The following LAMC3 variants were observed in gnomAD, a reference collection of about 807,000 sequenced individuals.
The protein encoded by LAMC3 is laminin subunit gamma 3, also known as laminin subunit gamma-3.
Under a neutral mutation model 173.8 loss-of-function variants are expected in LAMC3, and 128 were observed. The observed-to-expected ratio is 0.74, with a 90% CI of 0.64 to 0.85. The LOEUF is 0.85. Ranked by LOEUF, LAMC3 falls within the 40% of genes least tolerant of loss-of-function variation. The probability of loss-of-function intolerance (pLI) is 0.00; values close to 1 mark genes in which losing one functional copy is unlikely to be tolerated. For synonymous variants in LAMC3, 897 were observed against 909.1 expected, an observed-to-expected ratio of 0.99 and a Z score of 0.24; for missense variants, 2,022 against 2,156.0, an observed-to-expected ratio of 0.94 and a Z score of 1.23.
rs1261237688 is a variant in LAMC3, at chr9:131,009,285, C to T, written c.71C>T (p.Ala24Val). The change falls in exon 1 of 28, where the codon GCG becomes GTG. Residue 24 changes from alanine to valine, a missense_variant. Coordinates refer to ENST00000361069, the MANE Select transcript of LAMC3 (RefSeq NM_006059.4). The surrounding 1 kb of genome is among the most constrained non-coding windows in gnomAD (Gnocchi z 4.3). ...CGGGCGGCCGGCGCGGGCATGGGCG[C>T]GTGCTATGACGGCGCAGGGCGCCCG... ...APRAAGAGMG[A>V]CYDGAGRPQR... 1.7e-5 allele frequency: 24 copies of T among 1,395,086 alleles called. No homozygotes were observed. Among genetic ancestry groups the T allele is most frequent in the Admixed American group, 3.3e-5 (1 of 30,620 alleles). The allele number at this position is 1,395,086 out of a possible 1,614,324, so 86.4% of individuals were successfully genotyped here. A position where few individuals can be genotyped will look rare whatever the true frequency, so the allele number is the denominator to read the frequency against.
chr9:131,015,718 C>A (rs1387921757), intron 1 of LAMC3, among the ~76,000 whole-genome samples: 1 of 152,152 alleles, frequency 6.6e-6, no homozygotes, highest in Non-Finnish European at 1.5e-5. Context: ...TGCAATGGTG[C>A]GATCTCAGCT....
chr9:131,035,364 G>A (rs946752858), intron 3 of LAMC3, among the ~76,000 whole-genome samples: 2 of 152,112 alleles, frequency 1.3e-5, no homozygotes, highest in Non-Finnish European at 2.9e-5. Context: ...TTACAATCAT[G>A]GCGGAAAGTG....
chr9:131,017,057 CAG>C (rs779817689), intron 1 of LAMC3, among the ~76,000 whole-genome samples: 65 of 152,168 alleles, frequency 4.3e-4, no homozygotes, highest in Non-Finnish European at 6.6e-4. Flanking sequence ...GCGGAGCAAA[CAG>C]GGTCCGGATC....
chr9:131,014,000 G>T (rs984333111), intron 1 of LAMC3, among the ~76,000 whole-genome samples: 1 of 152,228 alleles, frequency 6.6e-6, no homozygotes, highest in African/African-American at 2.4e-5. Context: ...GGAACGCTGG[G>T]CCCTGAGCAG....
chr9:131,054,476 G>A (rs138925796), intron 11 of LAMC3, among the ~76,000 whole-genome samples: 24 of 152,292 alleles, frequency 1.6e-4, no homozygotes, highest in East Asian at 9.7e-4. Context: ...TTACACAGCC[G>A]GGCGTGGTGG....
chr9:131,021,440 T>C (rs1833623642), intron 1 of LAMC3: 1 of 152,196 alleles, frequency 6.6e-6, no homozygotes, highest in African/African-American at 2.4e-5. Flanking sequence ...TTTTTGATAA[T>C]AGCCATCCTA....
chr9:131,011,970 A>G (rs1263191929), intron 1 of LAMC3, among the ~76,000 whole-genome samples: 4 of 152,066 alleles, frequency 2.6e-5, no homozygotes, highest in African/African-American at 9.7e-5. Flanking sequence ...CTCTGCCTAG[A>G]ACCTTAGAAG....
In LAMC3 at chr9:131,075,557, T is replaced by C. The variant is rs1250274697; in HGVS notation, c.3495-274T>C. ...TAGCCTGGGCAATAGAGTGAGACTC[T>C]GTCTCAAAAAAAAAAAAAAAAAGTC... On this transcript the variant is annotated intron_variant, in intron 20 of 27. Coordinates refer to ENST00000361069, the MANE Select transcript of LAMC3 (RefSeq NM_006059.4). Among the ~76,000 whole-genome samples the C allele has an allele frequency of 2.8e-5, 4 of 141,242 alleles. No homozygotes were observed. The East Asian group carries it at 7.9e-4, about 28-fold the overall frequency. The allele number at this position is 141,242 out of a possible 152,430, so 92.7% of individuals were successfully genotyped here.
Position 131,032,133 on chromosome 9 carries a change from A to G in LAMC3, c.767A>G (p.Gln256Arg), listed in dbSNP as rs1298885595. 1.9e-6 allele frequency: 3 copies of G among 1,613,324 alleles called. No homozygotes were observed. In the Admixed American group the frequency reaches 5.0e-5, roughly 27 times the overall value. Residue 256 changes from glutamine to arginine, a missense_variant, in exon 3 of 28, where the codon CAG becomes CGG. Physicochemically the swap from Gln to Arg is conservative, Grantham distance 43. Coordinates refer to ENST00000361069, the MANE Select transcript of LAMC3 (RefSeq NM_006059.4). ...DDIFKDPKVL[Q>R]SYYYAVSDFS... Reference sequence around the variant, plus strand: ...ATCTTCAAGGACCCCAAGGTGCTCCAGTCCTACTATTATGCCGTGTCCGAC... The same window carrying G: ...ATCTTCAAGGACCCCAAGGTGCTCCGGTCCTACTATTATGCCGTGTCCGAC...
chr9:131,079,057 G>A (rs1366356911), intron 22 of LAMC3, 92 bp from the exon 23 acceptor site: 19 of 1,508,176 alleles, frequency 1.3e-5, no homozygotes, highest in African/African-American at 6.9e-5. Flanking sequence ...CAGACCCGCC[G>A]CCTCAGCCCA....
rs563155097 is a variant in LAMC3 at position 131,044,540 on chromosome 9, C to T, written c.1383-984C>T. 3.9e-5 allele frequency among the ~76,000 whole-genome samples: 6 copies of T among 152,214 alleles called. No individual in the cohort carries two copies. The South Asian group carries it at 1.0e-3, about 26-fold the overall frequency. On this transcript the variant is annotated intron_variant, in intron 7 of 27. Transcript: ENST00000361069. Reference sequence around the variant, plus strand: ...AAAATTTAAAGTGCTTGAGCCACCGCGTCCGGCCTATTCAGTGACTTGCTT... The same window carrying T: ...AAAATTTAAAGTGCTTGAGCCACCGTGTCCGGCCTATTCAGTGACTTGCTT...
In LAMC3 at chr9:131,045,637, A is replaced by G; in HGVS notation, c.1496A>G (p.His499Arg). ...TCCACTGCCCAGTTCCAGGTGCATC[A>G]CATCCTCAGCGATTTCCACCAGGGT... ...CASTAQFQVH[H>R]ILSDFHQGAE... Residue 499 changes from histidine to arginine, a missense_variant, in exon 8 of 28, where the codon CAC becomes CGC. His to Arg is a conservative substitution (Grantham distance 29, BLOSUM62 0). Transcript: ENST00000361069. The G allele has an allele frequency of 6.2e-7, 1 of 1,614,180 alleles. No homozygotes were observed. The highest frequency in any genetic ancestry group is 1.1e-5 in the South Asian group (1 of 91,088).
chr9:131,040,497 C>A (rs1465724520), intron 6 of LAMC3, among the ~76,000 whole-genome samples: 1 of 152,120 alleles, frequency 6.6e-6, no homozygotes, highest in Non-Finnish European at 1.5e-5. Context: ...TTTAAGTGAA[C>A]TTGCTTTGGT....
rs375066165 is a variant in LAMC3 at position 131,079,193 on chromosome 9, C to T, written c.3822C>T (p.Ala1274=). 55 of 1,614,058 alleles carry T rather than the reference C, an allele frequency of 3.4e-5. No individual in the cohort carries two copies. In the African/African-American group the frequency reaches 6.5e-4, roughly 19 times the overall value. The change falls in exon 23 of 28, where the codon GCC becomes GCT. Residue 1274 remains alanine, a synonymous_variant. Coordinates refer to ENST00000361069, the MANE Select transcript of LAMC3 (RefSeq NM_006059.4). ...RAEDLGLKAK[A]LEKTVASWQH... ...AAGACCTGGGCCTGAAGGCGAAGGCCCTGGAGAAGACAGTTGCATCATGGC... is the reference window on the plus strand; with the variant it reads ...AAGACCTGGGCCTGAAGGCGAAGGCTCTGGAGAAGACAGTTGCATCATGGC...
intron 8 of LAMC3, among the ~76,000 whole-genome samples, chr9:131,048,509 G>A (rs775328458): frequency 6.6e-6 from 1 of 152,132 alleles, no homozygotes; most frequent in Non-Finnish European, 1.5e-5. Context: ...CCCCTGGAGA[G>A]GCACCTCCTT....
chr9:131,019,881 TC>T (rs553379263), intron 1 of LAMC3, among the ~76,000 whole-genome samples: 27 of 145,282 alleles, frequency 1.9e-4, no homozygotes, highest in African/African-American at 6.7e-4. Context: ...CAGCAGAGCC[TC>T]CCCCGGCCGG....
chr9:131,039,302 A>C, intron 6 of LAMC3, 54 bp downstream of exon 6: 1 of 1,445,044 alleles, frequency 6.9e-7, no homozygotes, highest in Non-Finnish European at 9.6e-7. Context: ...GACAAGAAGC[A>C]GGAGGAACAG....
Position 131,055,626 on chromosome 9 carries a change from C to T in LAMC3, c.1940-1303C>T, listed in dbSNP as rs191847655. Among the ~76,000 whole-genome samples, 264 of 151,570 alleles carry T rather than the reference C, an allele frequency of 1.7e-3. 1 individual carries two copies. Among genetic ancestry groups the T allele is most frequent in the South Asian group, 0.017 (80 of 4,784 alleles). On this transcript the variant is annotated intron_variant, in intron 11 of 27. Transcript: ENST00000361069. ...TTTTTTAGTAGAGACGGGGTTTCAC[C>T]GTGTTAGCCAGGATGGTCTCGATTT...
At position 131,056,963 on chromosome 9, in the gene LAMC3, C is replaced by T. The variant is rs147774266; in HGVS notation, c.1974C>T (p.Ser658=). ...PVFLTEVRLT[S]ARPGLSPPAS... is the part of the protein sequence containing the mutation. ...TCCTGACTGAGGTCCGGCTCACATC[C>T]GCCCGGCCAGGGCTTTCCCCGCCAG... The change falls in exon 12 of 28, where the codon TCC becomes TCT. Residue 658 remains serine (S), a synonymous_variant. Coordinates refer to ENST00000361069, the MANE Select transcript of LAMC3 (RefSeq NM_006059.4). The T allele has an allele frequency of 2.9e-5, 47 of 1,613,684 alleles. No individual in the cohort carries two copies. The highest frequency in any genetic ancestry group is 1.0e-4 in the Admixed American group (6 of 60,022).
Sources: gnomAD v4.1 joint callset for allele counts (sites outside exome capture counted in the v4.1 genomes callset) on GRCh38, gnomAD v4.1.1 for gene constraint, Gnocchi (gnomAD v3.1) non-coding constraint, MANE v1.5 for transcripts, NCBI Gene and HGNC (gene_info 2026-07-23, HGNC 2026-07-21) for gene names.